Variants in BCAS3 observed in about 807,000 individuals in gnomAD.
The protein encoded by BCAS3 is BCAS3 microtubule associated cell migration factor.
Under a neutral mutation model 116.1 loss-of-function variants are expected in BCAS3, and 53 were observed. The observed-to-expected ratio is 0.46, with a 90% CI of 0.37 to 0.57. BCAS3 has a LOEUF of 0.57. Among genes scored for constraint, BCAS3 ranks in the 20% least tolerant of loss-of-function variants. BCAS3 has a pLI of 0.00. For missense variants in BCAS3, 917 were observed against 1,165.4 expected, an observed-to-expected ratio of 0.79 and a Z score of 3.10; for synonymous variants, 391 against 408.2, an observed-to-expected ratio of 0.96 and a Z score of 0.51.
At chr17:61,147,967 CAA>C (rs1016628204) in intron 22 of BCAS3, among the ~76,000 whole-genome samples, 34 of 133,686 alleles carry the variant, frequency 2.5e-4, no homozygotes, top group African/African-American at 9.1e-4. Context: ...ATCTGGGAAA[CAA>C]GAGTGAAACT....
chr17:60,859,627 G>A (rs560082830), intron 7 of BCAS3, among the ~76,000 whole-genome samples: 1 of 150,608 alleles, frequency 6.6e-6, no homozygotes, highest in Non-Finnish European at 1.5e-5. Context: ...GGAGTGCAGT[G>A]GTGTGATCTC....
At chr17:60,759,647 T>TTTTTTTTTTTTTTTTTTTTTTTTTTTTTA (rs1568185917) in intron 6 of BCAS3, among the ~76,000 whole-genome samples, 1 of 147,544 alleles carries the variant, frequency 6.8e-6, no homozygotes. Context: ...TTTTTTTTTT[T>TTTTTTTTTTTTTTTTTTTTTTTTTTTTTA]ACTGTTTTTG....
intron 7 of BCAS3, among the ~76,000 whole-genome samples, chr17:60,862,042 G>C (rs1031976995): frequency 6.6e-6 from 1 of 152,190 alleles, no homozygotes; most frequent in African/African-American, 2.4e-5. Flanking sequence ...CCAGCACTTC[G>C]GGAGGCCGAG....
At position 61,373,804 on chromosome 17, in the gene BCAS3, C is replaced by CTTTTTTTTTTTTTTTTTTTTTTTTT; in HGVS notation, c.2593+5313_2593+5314insTTTTTTTTTTTTTTTTTTTTTTTTT. Among the ~76,000 whole-genome samples the CTTTTTTTTTTTTTTTTTTTTTTTTT allele has an allele frequency of 2.6e-5, 2 of 76,084 alleles. 1 individual carries two copies. The highest frequency in any genetic ancestry group is 5.5e-5 in the Non-Finnish European group (2 of 36,686). The allele number at this position is 76,084 out of a possible 152,430, so 49.9% of individuals were successfully genotyped here. A position where few individuals can be genotyped will look rare whatever the true frequency, so the allele number is the denominator to read the frequency against. On this transcript the variant is annotated intron_variant, in intron 23 of 23. Transcript: ENST00000407086. ...TTGCTGCTGTTAACTTCTTCTTCTT[C>CTTTTTTTTTTTTTTTTTTTTTTTTT]TTTGTTTTTTTTTTTTTTTTTTTTG...
intron 5 of BCAS3, among the ~76,000 whole-genome samples, chr17:60,722,469 T>C (rs1386373822): frequency 6.6e-6 from 1 of 152,102 alleles, no homozygotes; most frequent in African/African-American, 2.4e-5. Flanking sequence ...GTTTTAAAAA[T>C]GCTTTTTAGG....
chr17:60,827,648 T>A (rs1253505054), intron 7 of BCAS3, among the ~76,000 whole-genome samples: 1 of 152,240 alleles, frequency 6.6e-6, no homozygotes, highest in Non-Finnish European at 1.5e-5. Flanking sequence ...CATCTGTATA[T>A]GTCCATGAAG....
chr17:61,071,418 T>G (rs900844029), intron 19 of BCAS3, among the ~76,000 whole-genome samples: 1 of 152,214 alleles, frequency 6.6e-6, no homozygotes, highest in Non-Finnish European at 1.5e-5. Flanking sequence ...GTGAGTCTAC[T>G]CCTGTATAAT....
intron 22 of BCAS3, among the ~76,000 whole-genome samples, chr17:61,298,358 C>T (rs1208004758): frequency 6.6e-6 from 1 of 152,044 alleles, no homozygotes; most frequent in Non-Finnish European, 1.5e-5. Flanking sequence ...ATCAGCTGTC[C>T]CCCCAGGCCC....
intron 4 of BCAS3, 60 bp downstream of exon 4, chr17:60,689,821 C>A: frequency 2.6e-6 from 3 of 1,162,434 alleles, no homozygotes; most frequent in Admixed American, 2.0e-5. Flanking sequence ...GTACCTGATT[C>A]CAAAAAGAGA....
At chr17:60,866,579 A>G (rs1250301295) in intron 7 of BCAS3, among the ~76,000 whole-genome samples, 2 of 152,206 alleles carry the variant, frequency 1.3e-5, no homozygotes, top group East Asian at 1.9e-4. Context: ...TGACTCTTCT[A>G]CCTTACGAAA....
chr17:61,107,342 C>A (rs547465993), intron 22 of BCAS3, among the ~76,000 whole-genome samples: 1 of 152,104 alleles, frequency 6.6e-6, no homozygotes, highest in Admixed American at 6.5e-5. Context: ...GCCTCGGCCT[C>A]CCAAAGTGCT....
chr17:60,879,570 C>G (rs1158888702), intron 9 of BCAS3, among the ~76,000 whole-genome samples: 2 of 152,212 alleles, frequency 1.3e-5, no homozygotes, highest in African/African-American at 4.8e-5. Context: ...ATTAGGAAAA[C>G]AAAAGACAAA....
intron 5 of BCAS3, among the ~76,000 whole-genome samples, chr17:60,739,248 A>G (rs10451270): frequency 0.044 from 6,674 of 152,278 alleles, 538 homozygotes; most frequent in African/African-American, 0.15. Context: ...CCACACATAT[A>G]TACATACACA....
chr17:60,767,191 G>A (rs544283448), intron 6 of BCAS3, among the ~76,000 whole-genome samples: 19 of 152,156 alleles, frequency 1.2e-4, no homozygotes, highest in Admixed American at 1.1e-3. Context: ...CTCGCCCTCC[G>A]TGGGCTGCAC....
intron 4 of BCAS3, among the ~76,000 whole-genome samples, chr17:60,708,928 G>A (rs1199088896): frequency 6.6e-6 from 1 of 152,022 alleles, no homozygotes; most frequent in Non-Finnish European, 1.5e-5. Flanking sequence ...CAAAATACTG[G>A]GATTATAGGT....
intron 2 of BCAS3, among the ~76,000 whole-genome samples, chr17:60,683,015 C>T (rs1314125900): frequency 6.6e-6 from 1 of 152,058 alleles, no homozygotes; most frequent in Non-Finnish European, 1.5e-5. Context: ...GGGTTCAACT[C>T]CACCTCAGCT....
intron 22 of BCAS3, among the ~76,000 whole-genome samples, chr17:61,263,787 A>T (rs1602270562): frequency 6.6e-6 from 1 of 152,364 alleles, no homozygotes; most frequent in Middle Eastern, 3.4e-3. Context: ...AAAGACAGAC[A>T]GTGGAACATA....
intron 16 of BCAS3, among the ~76,000 whole-genome samples, chr17:61,025,319 T>A (rs1251091565): frequency 6.6e-6 from 1 of 152,064 alleles, no homozygotes; most frequent in African/African-American, 2.4e-5. Flanking sequence ...AAAAGTGCAA[T>A]TCTGCCACTG....
chr17:61,254,553 C>T (rs187069646), intron 22 of BCAS3, among the ~76,000 whole-genome samples: 2,110 of 151,626 alleles, frequency 0.014, 16 homozygotes, highest in Middle Eastern at 0.051. Flanking sequence ...CCGTGGCGGG[C>T]GGATCACAGG....
Sources: allele counts gnomAD v4.1 joint callset (sites outside exome capture counted in the v4.1 genomes callset), GRCh38; gene constraint gnomAD v4.1.1; transcripts MANE v1.5; gene names NCBI Gene and HGNC (gene_info 2026-07-23, HGNC 2026-07-21).